Variants in OXR1 observed in about 807,000 individuals in gnomAD.
OXR1 encodes the protein oxidation resistance protein 1.
In OXR1, 41 loss-of-function variants were observed where a neutral mutation model predicts 104.6. That is an observed-to-expected ratio of 0.39 (90% confidence interval 0.31 to 0.51). OXR1 has a LOEUF of 0.51. Among genes scored for constraint, OXR1 ranks in the 20% least tolerant of loss-of-function variants. The probability of loss-of-function intolerance (pLI) is 0.77; values close to 1 mark genes in which losing one functional copy is unlikely to be tolerated. For synonymous variants in OXR1, 348 were observed against 348.4 expected (o/e 1.00, Z 0.01); for missense variants, 955 against 1,031.9 (o/e 0.93, Z 1.02).
intron 1 of OXR1, among the ~76,000 whole-genome samples, chr8:106,307,014 C>T (rs1178637486): frequency 6.6e-6 from 1 of 152,158 alleles, no homozygotes; most frequent in South Asian, 2.1e-4. Flanking sequence ...TTCACCTTAC[C>T]TAGCAGGAGA....
chr8:106,697,826 A>C, intron 7 of OXR1: 1 of 1,612,386 alleles, frequency 6.2e-7, no homozygotes, highest in East Asian at 2.2e-5. Flanking sequence ...TTGAGCTCAC[A>C]TAACACCGTG....
intron 3 of OXR1, among the ~76,000 whole-genome samples, chr8:106,615,761 A>T (rs1161520450): frequency 6.6e-6 from 1 of 152,208 alleles, no homozygotes; most frequent in Non-Finnish European, 1.5e-5. Context: ...TGCTCACCTT[A>T]TAAAGCTGCA....
intron 2 of OXR1, among the ~76,000 whole-genome samples, chr8:106,435,029 C>T (rs966302157): frequency 6.6e-6 from 1 of 152,062 alleles, no homozygotes; most frequent in Non-Finnish European, 1.5e-5. Flanking sequence ...ACTGCCTTAG[C>T]TGTGGTGGCC....
intron 3 of OXR1, among the ~76,000 whole-genome samples, chr8:106,574,400 G>A (rs1817683870): frequency 6.6e-6 from 1 of 152,076 alleles, no homozygotes; most frequent in African/African-American, 2.4e-5. Context: ...AAAAAAGGGG[G>A]GAAATGAAGG....
At chr8:106,726,337 G>T (rs1188861991) in intron 11 of OXR1, 1 of 1,164,920 alleles carries the variant, frequency 8.6e-7, no homozygotes, top group East Asian at 2.6e-5. Context: ...ATTTTAATTT[G>T]TATATATACT....
intron 3 of OXR1, among the ~76,000 whole-genome samples, chr8:106,646,308 T>C (rs1440366407): frequency 1.4e-5 from 2 of 143,482 alleles, no homozygotes; most frequent in Non-Finnish European, 3.1e-5. Flanking sequence ...GTTTTCGCTA[T>C]GTTGGCCAGG....
intron 3 of OXR1, among the ~76,000 whole-genome samples, chr8:106,637,135 T>A (rs1288202518): frequency 6.6e-6 from 1 of 152,192 alleles, no homozygotes; most frequent in Non-Finnish European, 1.5e-5. Flanking sequence ...GGTACAATAT[T>A]ATCATCCTTG....
chr8:106,595,113 G>T (rs767829509), intron 3 of OXR1, among the ~76,000 whole-genome samples: 2 of 152,214 alleles, frequency 1.3e-5, no homozygotes, highest in Non-Finnish European at 2.9e-5. Flanking sequence ...TGGACGACCA[G>T]TTTGCAACCC....
At chr8:106,287,175 A>G (rs909505720) in intron 1 of OXR1, among the ~76,000 whole-genome samples, 7 of 152,208 alleles carry the variant, frequency 4.6e-5, no homozygotes, top group East Asian at 1.9e-4. Context: ...CATTTCTGAT[A>G]TAAGTTTAAA....
chr8:106,681,853 A>G (rs781684070), intron 4 of OXR1, among the ~76,000 whole-genome samples: 1 of 152,058 alleles, frequency 6.6e-6, no homozygotes, highest in Non-Finnish European at 1.5e-5. Context: ...GTTTTTAGAG[A>G]CTTAACTCCA....
At chr8:106,453,713 C>A (rs1820447983) in intron 2 of OXR1, among the ~76,000 whole-genome samples, 1 of 152,212 alleles carries the variant, frequency 6.6e-6, no homozygotes, top group South Asian at 2.1e-4. Context: ...ATAGTCCAGG[C>A]CTTTCAGCCA....
intron 3 of OXR1, among the ~76,000 whole-genome samples, chr8:106,633,032 A>T (rs1205782296): frequency 1.3e-5 from 2 of 152,052 alleles, no homozygotes; most frequent in Admixed American, 1.3e-4. Flanking sequence ...TCAGGAGTTC[A>T]AGACAAGCCT....
chr8:106,298,643 A>G (rs1813103517), intron 1 of OXR1, among the ~76,000 whole-genome samples: 1 of 152,170 alleles, frequency 6.6e-6, no homozygotes, highest in African/African-American at 2.4e-5. Flanking sequence ...AAAGGTGGAT[A>G]CTCAGAGCCA....
At chr8:106,628,412 T>C (rs183865294) in intron 3 of OXR1, among the ~76,000 whole-genome samples, 156 of 152,218 alleles carry the variant, frequency 1.0e-3, no homozygotes, top group African/African-American at 3.6e-3. Flanking sequence ...ATTTTATAAA[T>C]GAAGAAACAG....
chr8:106,552,668 G>A (rs1815933342), intron 3 of OXR1, among the ~76,000 whole-genome samples: 1 of 152,188 alleles, frequency 6.6e-6, no homozygotes, highest in Admixed American at 6.5e-5. Flanking sequence ...GTGTCTTCCT[G>A]AGAGAGGATT....
chr8:106,573,339 TCACATA>T (rs750367228), intron 3 of OXR1, among the ~76,000 whole-genome samples: 6 of 77,530 alleles, frequency 7.7e-5, no homozygotes, highest in South Asian at 6.2e-4. Flanking sequence ...CAATTAACCA[TCACATA>T]CACACACACA....
intron 1 of OXR1, among the ~76,000 whole-genome samples, chr8:106,295,739 C>T (rs1390709950): frequency 3.9e-5 from 6 of 152,122 alleles, no homozygotes; most frequent in African/African-American, 2.4e-5. Context: ...ATTTTTTGAA[C>T]ATCTACCATG....
chr8:106,444,224 C>A (rs1819910952), intron 2 of OXR1, among the ~76,000 whole-genome samples: 1 of 152,128 alleles, frequency 6.6e-6, no homozygotes, highest in African/African-American at 2.4e-5. Context: ...AATAGGAATG[C>A]TTTTACACTG....
At chr8:106,295,458 T>C (rs1812954800) in intron 1 of OXR1, among the ~76,000 whole-genome samples, 1 of 152,148 alleles carries the variant, frequency 6.6e-6, no homozygotes, top group Admixed American at 6.6e-5. Context: ...TATAATAACC[T>C]CATTGTCACG....
Sources: allele counts gnomAD v4.1 joint callset (sites outside exome capture counted in the v4.1 genomes callset), GRCh38; gene constraint gnomAD v4.1.1; transcripts MANE v1.5; gene names NCBI Gene and HGNC (gene_info 2026-07-23, HGNC 2026-07-21).